Variants in GRID2 observed in about 807,000 individuals in gnomAD.
GRID2 encodes the protein glutamate receptor ionotropic, delta-2.
A neutral mutation model predicts 114.8 loss-of-function variants in GRID2; 33 were observed. That is an observed-to-expected ratio of 0.29 (90% confidence interval 0.22 to 0.38). The LOEUF (loss-of-function observed/expected upper bound fraction) is 0.38. GRID2 is among the 10% of genes least tolerant of loss of function. The pLI is 1.00. For missense variants in GRID2, 1,184 were observed against 1,257.7 expected (o/e 0.94, Z 0.89); for synonymous variants, 505 against 449.9 (o/e 1.12, Z -1.55).
At chr4:92,650,076 T>C (rs1731848988) in intron 2 of GRID2, among the ~76,000 whole-genome samples, 1 of 152,026 alleles carries the variant, frequency 6.6e-6, no homozygotes, top group East Asian at 1.9e-4. Flanking sequence ...TATGTAATGT[T>C]ATGAGGTCAA....
At chr4:92,853,752 A>G (rs1743989225) in intron 2 of GRID2, among the ~76,000 whole-genome samples, 1 of 152,008 alleles carries the variant, frequency 6.6e-6, no homozygotes, top group Non-Finnish European at 1.5e-5. Context: ...AGAAAACCAA[A>G]TACCAAATGG....
chr4:93,662,244 C>A (rs188915705), intron 14 of GRID2, among the ~76,000 whole-genome samples: 2 of 152,096 alleles, frequency 1.3e-5, no homozygotes, highest in Non-Finnish European at 2.9e-5. Flanking sequence ...TAAAGGCACA[C>A]GCCCATCCCT....
chr4:92,596,834 G>C (rs1728977390), intron 2 of GRID2, among the ~76,000 whole-genome samples: 1 of 151,966 alleles, frequency 6.6e-6, no homozygotes, highest in Admixed American at 6.6e-5. Context: ...TAAATGCCTA[G>C]TACTTCCAAG....
intron 1 of GRID2, among the ~76,000 whole-genome samples, chr4:93,789,875 G>A (rs1734662463): frequency 6.6e-6 from 1 of 152,156 alleles, no homozygotes; most frequent in Non-Finnish European, 1.5e-5. Flanking sequence ...TAGGAACTGG[G>A]CTGCACAGCA....
At chr4:93,269,642 G>C (rs750660310) in intron 8 of GRID2, among the ~76,000 whole-genome samples, 1 of 152,178 alleles carries the variant, frequency 6.6e-6, no homozygotes, top group Non-Finnish European at 1.5e-5. Context: ...AAAATCCATT[G>C]AGGGGATAAT....
intron 2 of GRID2, among the ~76,000 whole-genome samples, chr4:92,930,641 C>T (rs1553951261): frequency 3.0e-5 from 4 of 134,844 alleles, no homozygotes; most frequent in Non-Finnish European, 6.2e-5. Context: ...TGTGAAGCAT[C>T]AAAAGACTTA....
At chr4:93,801,004 A>G (rs1734917466) in intron 1 of GRID2, among the ~76,000 whole-genome samples, 2 of 152,222 alleles carry the variant, frequency 1.3e-5, no homozygotes, top group Non-Finnish European at 2.9e-5. Context: ...TACAACTAAT[A>G]AACTGAATCA....
intron 2 of GRID2, among the ~76,000 whole-genome samples, chr4:92,602,100 G>A (rs6832040): frequency 1.3e-5 from 2 of 151,284 alleles, no homozygotes; most frequent in South Asian, 2.1e-4. Context: ...GGAGCTGATA[G>A]CATTTCTTCT....
At chr4:93,425,395 C>T (rs1020886551) in intron 10 of GRID2, among the ~76,000 whole-genome samples, 2 of 152,080 alleles carry the variant, frequency 1.3e-5, no homozygotes, top group Non-Finnish European at 2.9e-5. Context: ...TAGGGCAAAT[C>T]CCTTGGTTTT....
intron 14 of GRID2, among the ~76,000 whole-genome samples, chr4:93,663,603 T>C (rs1723691963): frequency 6.6e-6 from 1 of 152,124 alleles, no homozygotes; most frequent in Non-Finnish European, 1.5e-5. Flanking sequence ...TAGCGGACAG[T>C]GTAGGCTCTA....
intron 8 of GRID2, among the ~76,000 whole-genome samples, chr4:93,251,651 T>A (rs1182341568): frequency 6.6e-6 from 1 of 151,780 alleles, no homozygotes; most frequent in African/African-American, 2.4e-5. Context: ...TTGATCTTCT[T>A]TTTCCTCCCA....
At chr4:93,335,365 A>G (rs1182515878) in intron 8 of GRID2, among the ~76,000 whole-genome samples, 1 of 152,148 alleles carries the variant, frequency 6.6e-6, no homozygotes, top group Non-Finnish European at 1.5e-5. Context: ...GGGAAGAAAG[A>G]GTTAAACACC....
intron 14 of GRID2, among the ~76,000 whole-genome samples, chr4:93,762,400 A>C (rs1733286910): frequency 6.6e-6 from 1 of 152,160 alleles, no homozygotes; most frequent in South Asian, 2.1e-4. Flanking sequence ...TTCTACCCCC[A>C]AATTGCCTCA....
At chr4:93,733,746 T>C (rs72875934) in intron 14 of GRID2, among the ~76,000 whole-genome samples, 6,839 of 152,132 alleles carry the variant, frequency 0.045, 512 homozygotes, top group African/African-American at 0.15. Context: ...GTGTCAGATT[T>C]CCAAATCTGC....
rs148742486 is a variant in GRID2, at chr4:92,842,986, G to C, written c.245-242009G>C. On this transcript the variant is annotated intron_variant, in intron 2 of 15. Transcript: ENST00000282020. ...AGGCATGGTGTTTTACACCGGTAAT[G>C]TAAGCACTTTGGCAGGCCAAGGCTG... is the stretch of plus-strand genomic sequence containing the variant. 5.7e-3 allele frequency among the ~76,000 whole-genome samples: 872 copies of C among 152,140 alleles called. 15 individuals carry two copies. Among genetic ancestry groups the C allele is most frequent in the African/African-American group, 0.02 (828 of 41,518 alleles).
intron 2 of GRID2, among the ~76,000 whole-genome samples, chr4:92,865,362 C>CT (rs1310098792): frequency 4.6e-5 from 7 of 152,168 alleles, no homozygotes; most frequent in Middle Eastern, 3.4e-3. Flanking sequence ...AATACAAGGT[C>CT]TTTTTTACTA....
At chr4:93,697,905 T>C (rs1188516738) in intron 14 of GRID2, among the ~76,000 whole-genome samples, 1 of 90,158 alleles carries the variant, frequency 1.1e-5, no homozygotes, top group Non-Finnish European at 2.3e-5. Context: ...TTGTACACGA[T>C]ACAATTTTGT....
At position 93,773,377 on chromosome 4, in the gene GRID2, G is replaced by A. The variant is rs1734243816; in HGVS notation, c.*879G>A. The stretch of plus-strand genomic sequence containing the variant: ...GGGTTCTTTTCAGTTAGAAAAGGCA[G>A]GTTGCTTTAATGTTATTCTGACTCG... On this transcript the variant is annotated 3_prime_UTR_variant, in exon 16 of 16. Coordinates refer to ENST00000282020, the MANE Select transcript of GRID2 (RefSeq NM_001510.4). 6.6e-6 allele frequency: 1 copy of A among 152,036 alleles called. No individual in the cohort carries two copies. The highest frequency in any genetic ancestry group is 2.4e-5 in the African/African-American group (1 of 41,426). 9.4% of individuals were successfully genotyped at this position (152,036 alleles called of 1,614,324 possible).
At chr4:93,324,031 C>G (rs1471269007) in intron 8 of GRID2, among the ~76,000 whole-genome samples, 1 of 152,080 alleles carries the variant, frequency 6.6e-6, no homozygotes, top group African/African-American at 2.4e-5. Flanking sequence ...TGATTGAGTA[C>G]CCTGTATTTC....
Sources: gnomAD v4.1 joint callset for allele counts (sites outside exome capture counted in the v4.1 genomes callset) on GRCh38, gnomAD v4.1.1 for gene constraint, MANE v1.5 for transcripts, NCBI Gene and HGNC (gene_info 2026-07-23, HGNC 2026-07-21) for gene names.